The following DLG5 variants were observed in gnomAD, a reference collection of about 807,000 sequenced individuals.
DLG5 encodes the protein disks large homolog 5.
DLG5 carries 48 observed loss-of-function variants against 189.8 expected under a neutral mutation model. The observed-to-expected ratio is 0.25, with a 90% CI of 0.20 to 0.32. DLG5 has a LOEUF of 0.32. DLG5 is among the 10% of genes least tolerant of loss of function. DLG5 has a pLI of 1.00. For missense variants in DLG5, 2,160 were observed against 2,544.7 expected, an observed-to-expected ratio of 0.85 and a Z score of 3.25; for synonymous variants, 1,016 against 1,054.1, an observed-to-expected ratio of 0.96 and a Z score of 0.70.
chr10:77,827,955 G>A (rs1214281592), intron 13 of DLG5, among the ~76,000 whole-genome samples: 1 of 152,066 alleles, frequency 6.6e-6, no homozygotes, highest in African/African-American at 2.4e-5. Context: ...ATCTCTAGGA[G>A]CAGGATTAAA....
chr10:77,929,322 G>A (rs1041195785), upstream of DLG5: 1 of 152,140 alleles, frequency 6.6e-6, no homozygotes, highest in Non-Finnish European at 1.5e-5. Context: ...AATTACAGAT[G>A]TTAGTTACCA....
rs1846191424 is a variant in DLG5 at position 77,910,661 on chromosome 10, CAA to C, written c.304+15554_304+15555del. On this transcript the variant is annotated intron_variant, in intron 1 of 31. Transcript: ENST00000372391. ...TAAGATCCCTTCCAGCCATGGCATT[CAA>C]CAATCATAGGCTCCTTAAGAAATGT... 2.6e-5 allele frequency among the ~76,000 whole-genome samples: 4 copies of C among 152,278 alleles called. No homozygotes were observed. The South Asian group carries it at 8.3e-4, about 32-fold the overall frequency.
chr10:77,796,003 C>A lies in DLG5; in HGVS notation c.5436+58G>T, dbSNP rs1840901258. 4.3e-6 allele frequency: 7 copies of A among 1,612,688 alleles called. No homozygotes were observed. The Admixed American group carries it at 1.0e-4, about 23-fold the overall frequency. ...GAGGATCACGGACCAGGGGCCTAGA[C>A]CTGTGCACAGGAGGTCTAATACTGG... On this transcript the variant is annotated intron_variant, in intron 29 of 31. Transcript: ENST00000372391. The surrounding 1 kb of genome is among the most constrained non-coding windows in gnomAD (Gnocchi z 5.2).
At chr10:77,807,224 C>T (rs1603641151) in intron 25 of DLG5, among the ~76,000 whole-genome samples, 1 of 152,150 alleles carries the variant, frequency 6.6e-6, no homozygotes, top group East Asian at 1.9e-4. Context: ...CCTCCCTCCT[C>T]GAAGCCCAGG....
At chr10:77,917,959 G>A (rs1846415810) in intron 1 of DLG5, among the ~76,000 whole-genome samples, 1 of 151,412 alleles carries the variant, frequency 6.6e-6, no homozygotes, top group African/African-American at 2.4e-5. Flanking sequence ...CGGAGGTTGT[G>A]GTGAGCCGAG....
chr10:77,880,282 C>T (rs1182899175), intron 1 of DLG5, among the ~76,000 whole-genome samples: 2 of 152,046 alleles, frequency 1.3e-5, no homozygotes, highest in Non-Finnish European at 2.9e-5. Flanking sequence ...AGTGAAACCC[C>T]GCCTCTACTA....
intron 1 of DLG5, among the ~76,000 whole-genome samples, chr10:77,872,152 T>C (rs1287182272): frequency 3.3e-5 from 5 of 152,280 alleles, no homozygotes; most frequent in African/African-American, 9.6e-5. Context: ...GCTCAACCCA[T>C]CCCAGCTTAC....
intron 22 of DLG5, 117 bp from the exon 23 acceptor site, chr10:77,811,351 C>A: frequency 7.8e-7 from 1 of 1,288,150 alleles, no homozygotes; most frequent in South Asian, 1.5e-5. Context: ...AGCCCTGCAC[C>A]CTGTGCCCTG....
chr10:77,890,227 CT>C (rs1374376779), intron 1 of DLG5, among the ~76,000 whole-genome samples: 1 of 152,190 alleles, frequency 6.6e-6, no homozygotes, highest in Non-Finnish European at 1.5e-5. Flanking sequence ...AGGGATGCCC[CT>C]GCCAACACGG....
intron 1 of DLG5, among the ~76,000 whole-genome samples, chr10:77,892,069 C>T (rs950482320): frequency 1.3e-5 from 2 of 152,200 alleles, no homozygotes; most frequent in Non-Finnish European, 2.9e-5. Context: ...CTCGGGAGGA[C>T]GGACACACCC....
chr10:77,807,493 G>A (rs1024649386), intron 25 of DLG5, among the ~76,000 whole-genome samples: 11 of 152,186 alleles, frequency 7.2e-5, no homozygotes, highest in African/African-American at 2.7e-4. Flanking sequence ...TGCAAACCTG[G>A]CTTGGGGGAC....
At chr10:77,923,960 A>G (rs1323031254) in intron 1 of DLG5, among the ~76,000 whole-genome samples, 1 of 151,990 alleles carries the variant, frequency 6.6e-6, no homozygotes, top group East Asian at 1.9e-4. Context: ...CACTTCCCAG[A>G]TTCAAGTGAT....
chr10:77,913,818 G>A (rs1199728150), intron 1 of DLG5, among the ~76,000 whole-genome samples: 1 of 151,984 alleles, frequency 6.6e-6, no homozygotes, highest in Non-Finnish European at 1.5e-5. Flanking sequence ...CAAACTCCTG[G>A]GCTCAAGGAA....
rs113957334 is a variant in DLG5 at position 77,834,649 on chromosome 10, G to A, written c.1623-610C>T. 1.1e-3 allele frequency among the ~76,000 whole-genome samples: 171 copies of A among 152,210 alleles called. 1 individual carries two copies. Among genetic ancestry groups the A allele is most frequent in the African/African-American group, 3.6e-3 (148 of 41,518 alleles). ...GAAACAGATTACCTGGCTGTGGAGG[G>A]GCCTGGGCTCTGTGCCACCTCCAGA... On this transcript the variant is annotated intron_variant, in intron 8 of 31. Transcript: ENST00000372391.
Position 77,816,539 on chromosome 10 carries a change from G to A in DLG5, c.4025+12C>T, listed in dbSNP as rs759363407. 9.3e-6 allele frequency: 15 copies of A among 1,613,884 alleles called. No homozygotes were observed. Among genetic ancestry groups the A allele is most frequent in the Admixed American group, 1.7e-5 (1 of 60,008 alleles). ...TGGTTTACCCACTCCACCGATGACC[G>A]GCCATGCTCACCTGTCCTTTCTCCG... On this transcript the variant is annotated intron_variant, in intron 20 of 31. Coordinates refer to ENST00000372391, the MANE Select transcript of DLG5 (RefSeq NM_004747.4).
At chr10:77,861,966 G>A (rs1844489764) in intron 2 of DLG5, among the ~76,000 whole-genome samples, 1 of 152,192 alleles carries the variant, frequency 6.6e-6, no homozygotes, top group African/African-American at 2.4e-5. Flanking sequence ...TTGTAATTGG[G>A]GGATGGGGAG....
chr10:77,826,212 C>A (rs115439428), intron 13 of DLG5, among the ~76,000 whole-genome samples: 1,913 of 152,302 alleles, frequency 0.013, 40 homozygotes, highest in African/African-American at 0.044. Flanking sequence ...GGCCATGCAG[C>A]ACGACACAGA....
chr10:77,845,934 TAAAAAAA>T (rs1209911526), intron 5 of DLG5, among the ~76,000 whole-genome samples: 17 of 97,514 alleles, frequency 1.7e-4, no homozygotes, highest in South Asian at 1.2e-3. Context: ...AATCTTTCTT[TAAAAAAA>T]AAAAAAAAAA....
chr10:77,810,023 G>A (rs1423955467), intron 23 of DLG5, among the ~76,000 whole-genome samples: 1 of 152,160 alleles, frequency 6.6e-6, no homozygotes. Context: ...TTAAAGATCA[G>A]GATGGCCTCC....
Sources: allele counts gnomAD v4.1 joint callset (sites outside exome capture counted in the v4.1 genomes callset), GRCh38; gene constraint gnomAD v4.1.1; non-coding constraint Gnocchi (gnomAD v3.1); transcripts MANE v1.5; gene names NCBI Gene and HGNC (gene_info 2026-07-23, HGNC 2026-07-21).